POLR1A: variants seen among roughly 807,000 people sequenced by gnomAD.
POLR1A encodes RNA polymerase I subunit A.
A neutral mutation model predicts 205.3 loss-of-function variants in POLR1A; 84 were observed. That is an observed-to-expected ratio of 0.41 (90% CI 0.34 to 0.49). The LOEUF is 0.49. POLR1A is among the 20% of genes least tolerant of loss of function. The pLI is 0.22. For missense variants in POLR1A, 1,645 were observed against 2,204.5 expected (o/e 0.75, Z 5.08); for synonymous variants, 799 against 863.7 (o/e 0.93, Z 1.31).
intron 8 of POLR1A, 29 bp from the exon 9 acceptor site, chr2:86,081,007 T>C: frequency 6.3e-7 from 1 of 1,586,336 alleles, no homozygotes; most frequent in Non-Finnish European, 8.6e-7. Context: ...AATAAATGAA[T>C]GTTTAGTGTG....
rs568589692 is a variant in POLR1A at position 86,105,858 on chromosome 2, G to T, written c.-82C>A. On this transcript the variant is annotated 5_prime_UTR_variant, in exon 1 of 34. Transcript: ENST00000263857. ...CTATTCTTAATTCAACCTCAAGCCC[G>T]GAGTCACCACGCGATTCAACGTGCG... 5.2e-5 allele frequency: 67 copies of T among 1,280,570 alleles called. 1 individual carries two copies. In the African/African-American group the frequency reaches 9.2e-4, roughly 18 times the overall value. The allele number at this position is 1,280,570 out of a possible 1,614,324, so 79.3% of individuals were successfully genotyped here.
At chr2:86,066,081 G>T (rs1673078488) in intron 13 of POLR1A, among the ~76,000 whole-genome samples, 1 of 152,176 alleles carries the variant, frequency 6.6e-6, no homozygotes, top group Non-Finnish European at 1.5e-5. Context: ...TAACAGGGTG[G>T]GTCATAATAT....
At chr2:86,104,722 C>T (rs1267214552) in intron 1 of POLR1A, among the ~76,000 whole-genome samples, 8 of 152,216 alleles carry the variant, frequency 5.3e-5, no homozygotes, top group African/African-American at 1.9e-4. Flanking sequence ...GCTGGGATTA[C>T]AGGCGTGAGC....
rs1183556765 is a variant in POLR1A at position 86,099,356 on chromosome 2, TAAAA to T, written c.283-600_283-597del. The stretch of plus-strand genomic sequence containing the variant: ...TGGGAGACGGAATGAGACACTGTCT[TAAAA>T]AAAAAAAAAAAAGACACTTCTCTTT... On this transcript the variant is annotated intron_variant, in intron 2 of 33. Transcript: ENST00000263857. Among the ~76,000 whole-genome samples, 4 of 128,334 alleles carry T rather than the reference TAAAA, an allele frequency of 3.1e-5. No individual in the cohort carries two copies. In the East Asian group the frequency reaches 9.1e-4, roughly 29 times the overall value. 84.2% of individuals were successfully genotyped at this position (128,334 alleles called of 152,430 possible).
intron 2 of POLR1A, 99 bp downstream of exon 2, chr2:86,099,869 C>T: frequency 1.1e-6 from 1 of 946,080 alleles, no homozygotes; most frequent in South Asian, 1.4e-5. Context: ...ATTGGAGTGC[C>T]TGGGGCTTAA....
intron 3 of POLR1A, among the ~76,000 whole-genome samples, chr2:86,095,235 T>C (rs149565825): frequency 6.6e-6 from 1 of 152,288 alleles, no homozygotes; most frequent in East Asian, 1.9e-4. Flanking sequence ...TCTTCGGGAC[T>C]GAAGCATCCA....
rs1033498064 is a variant in POLR1A at position 86,027,668 on chromosome 2, C to G, written c.5063-145G>C. On this transcript the variant is annotated intron_variant, in intron 33 of 33. Coordinates refer to ENST00000263857, the MANE Select transcript of POLR1A (RefSeq NM_015425.6). The stretch of plus-strand genomic sequence containing the variant: ...CTGATGGGATCACGAGGCAGCCCCC[C>G]TCTAGCACTTGAGAGGGGAAGGCCC... 4 of 841,470 alleles carry G rather than the reference C, an allele frequency of 4.8e-6. No individual in the cohort carries two copies. In the Admixed American group the frequency reaches 6.2e-5, roughly 13 times the overall value. The allele number at this position is 841,470 out of a possible 1,614,324, so 52.1% of individuals were successfully genotyped here.
chr2:86,073,724 G>A (rs1673222563), intron 12 of POLR1A, among the ~76,000 whole-genome samples: 1 of 152,220 alleles, frequency 6.6e-6, no homozygotes, highest in African/African-American at 2.4e-5. Flanking sequence ...GTCAACTCCA[G>A]GGTGGCGAGG....
chr2:86,088,091 G>T (rs867443866), intron 6 of POLR1A, among the ~76,000 whole-genome samples: 1 of 152,188 alleles, frequency 6.6e-6, no homozygotes, highest in Non-Finnish European at 1.5e-5. Context: ...GGGTAGGGCA[G>T]AGCTGAGGAA....
chr2:86,030,154 G>A (rs773050509), intron 31 of POLR1A, 42 bp downstream of exon 31: 1 of 1,522,026 alleles, frequency 6.6e-7, no homozygotes, highest in Non-Finnish European at 9.1e-7. Context: ...CGTGGGGTGA[G>A]GACTAATGCT....
chr2:86,041,597 C>T (rs1458367933), intron 24 of POLR1A, among the ~76,000 whole-genome samples: 1 of 152,160 alleles, frequency 6.6e-6, no homozygotes, highest in Non-Finnish European at 1.5e-5. Context: ...TCAGTCAGCC[C>T]CACCCACCAC....
At chr2:86,059,079 T>C (rs961261561) in intron 14 of POLR1A, among the ~76,000 whole-genome samples, 1 of 152,180 alleles carries the variant, frequency 6.6e-6, no homozygotes, top group African/African-American at 2.4e-5. Context: ...CATCCACTAA[T>C]AGAGGGACAG....
At chr2:86,027,667 C>G (rs995536433) in intron 33 of POLR1A, 144 bp from the exon 34 acceptor site, 13 of 837,604 alleles carry the variant, frequency 1.6e-5, no homozygotes, top group Middle Eastern at 2.3e-4. Context: ...AGGCAGCCCC[C>G]CTCTAGCACT....
In POLR1A at chr2:86,025,082, G is replaced by A. The variant is rs1690237498; in HGVS notation, c.*2341C>T. 1 of 152,166 alleles carries A rather than the reference G, an allele frequency of 6.6e-6. No individual in the cohort carries two copies. Among genetic ancestry groups the A allele is most frequent in the Non-Finnish European group, 1.5e-5 (1 of 68,028 alleles). The allele number at this position is 152,166 out of a possible 1,614,324, so 9.4% of individuals were successfully genotyped here. ...AACTCGGGAGATGGAGGTTGCAGTG[G>A]AGCCGAGATTGCGCCATTGCACTCA... On this transcript the variant is annotated 3_prime_UTR_variant, in exon 34 of 34. Transcript: ENST00000263857.
intron 6 of POLR1A, among the ~76,000 whole-genome samples, chr2:86,085,226 G>A (rs917327811): frequency 1.4e-4 from 21 of 152,194 alleles, no homozygotes; most frequent in African/African-American, 7.2e-5. Flanking sequence ...CTCCCAAAGC[G>A]CTGGGATTAC....
intron 29 of POLR1A, 45 bp from the exon 30 acceptor site, chr2:86,031,680 A>G (rs766382763): frequency 8.3e-6 from 13 of 1,573,484 alleles, no homozygotes; most frequent in South Asian, 3.6e-5. Flanking sequence ...GGGACCCACC[A>G]TCTACCTGGA....
intron 3 of POLR1A, among the ~76,000 whole-genome samples, chr2:86,096,433 C>A (rs1673704042): frequency 6.6e-6 from 1 of 151,596 alleles, no homozygotes; most frequent in African/African-American, 2.4e-5. Flanking sequence ...AAAATTGTAA[C>A]ATTTGTATAG....
At chr2:86,056,572 G>T (rs1573814705) in intron 14 of POLR1A, among the ~76,000 whole-genome samples, 1 of 152,156 alleles carries the variant, frequency 6.6e-6, no homozygotes, top group Non-Finnish European at 1.5e-5. Context: ...TCTATTGGAA[G>T]AAGATGCCAC....
intron 11 of POLR1A, among the ~76,000 whole-genome samples, chr2:86,075,627 G>A (rs911838018): frequency 6.6e-6 from 1 of 152,084 alleles, no homozygotes; most frequent in Non-Finnish European, 1.5e-5. Flanking sequence ...TCCTGCCTCA[G>A]CCTCCCGAGT....
Sources: gnomAD v4.1 joint callset for allele counts (sites outside exome capture counted in the v4.1 genomes callset) on GRCh38, gnomAD v4.1.1 for gene constraint, MANE v1.5 for transcripts, NCBI Gene and HGNC (gene_info 2026-07-23, HGNC 2026-07-21) for gene names.